ST6GAL1: variants seen among roughly 807,000 people sequenced by gnomAD.
The protein encoded by ST6GAL1 is beta-galactoside alpha-2,6-sialyltransferase 1.
A neutral mutation model predicts 38.0 loss-of-function variants in ST6GAL1; 20 were observed. The observed-to-expected ratio is 0.53, with a 90% CI of 0.37 to 0.77. The LOEUF is 0.77. ST6GAL1 is among the 30% of genes least tolerant of loss of function. ST6GAL1 has a pLI of 0.00. For synonymous variants in ST6GAL1, 196 were observed against 188.2 expected (o/e 1.04, Z -0.34); for missense variants, 432 against 496.4 (o/e 0.87, Z 1.23).
intron 2 of ST6GAL1, among the ~76,000 whole-genome samples, chr3:187,036,155 T>C (rs1030635938): frequency 2.0e-4 from 30 of 152,132 alleles, no homozygotes; most frequent in African/African-American, 6.3e-4. Flanking sequence ...TGAAAAATGC[T>C]CAGTATCACT....
chr3:186,959,823 C>T (rs1714875012), intron 1 of ST6GAL1, among the ~76,000 whole-genome samples: 1 of 152,196 alleles, frequency 6.6e-6, no homozygotes, highest in Non-Finnish European at 1.5e-5. Context: ...ATTTCACTTC[C>T]ATATTCAAAC....
intron 2 of ST6GAL1, among the ~76,000 whole-genome samples, chr3:187,023,619 G>T (rs1717407554): frequency 6.6e-6 from 1 of 152,102 alleles, no homozygotes; most frequent in Non-Finnish European, 1.5e-5. Context: ...ATCATTCTCA[G>T]CAAACTATGG....
intron 5 of ST6GAL1, among the ~76,000 whole-genome samples, chr3:187,065,392 T>G (rs1270953827): frequency 6.6e-6 from 1 of 152,180 alleles, no homozygotes; most frequent in African/African-American, 2.4e-5. Context: ...AAAAGGCACT[T>G]TTCTTATTGA....
intron 5 of ST6GAL1, among the ~76,000 whole-genome samples, chr3:187,059,069 G>A (rs933904858): frequency 6.6e-6 from 1 of 152,060 alleles, no homozygotes; most frequent in Non-Finnish European, 1.5e-5. Flanking sequence ...AGCAATAGCC[G>A]GGCACTCCAG....
At chr3:186,977,004 G>A (rs1332866723) in intron 2 of ST6GAL1, among the ~76,000 whole-genome samples, 1 of 152,204 alleles carries the variant, frequency 6.6e-6, no homozygotes, top group African/African-American at 2.4e-5. Context: ...GCTTGCCAGA[G>A]GAGATCGGCT....
chr3:186,967,339 C>A (rs568518820), intron 2 of ST6GAL1, among the ~76,000 whole-genome samples: 9 of 138,362 alleles, frequency 6.5e-5, no homozygotes, highest in East Asian at 5.8e-4. Flanking sequence ...TTACAGGCGC[C>A]TGCCACCACA....
At chr3:186,976,973 G>A (rs993829152) in intron 2 of ST6GAL1, among the ~76,000 whole-genome samples, 1 of 152,198 alleles carries the variant, frequency 6.6e-6, no homozygotes. Flanking sequence ...ATCCTGCCAA[G>A]ACCTTCTCCA....
chr3:186,949,879 T>TGTG (rs1460077520), intron 1 of ST6GAL1, among the ~76,000 whole-genome samples: 2 of 152,202 alleles, frequency 1.3e-5, no homozygotes, highest in African/African-American at 4.8e-5. Flanking sequence ...GTCCTAGAGG[T>TGTG]AGTGCCTAAC....
intron 2 of ST6GAL1, among the ~76,000 whole-genome samples, chr3:186,980,263 G>A (rs572739797): frequency 4.6e-5 from 7 of 152,242 alleles, no homozygotes; most frequent in African/African-American, 1.4e-4. Flanking sequence ...AGCAGTGGAT[G>A]CAGCGGGCAC....
intron 2 of ST6GAL1, among the ~76,000 whole-genome samples, chr3:187,023,892 A>T (rs113424377): frequency 2.6e-5 from 3 of 113,796 alleles, no homozygotes; most frequent in Admixed American, 1.7e-4. Context: ...AATAATAATT[A>T]AAAAAAAAAA....
intron 2 of ST6GAL1, among the ~76,000 whole-genome samples, chr3:187,028,419 G>A (rs1401172986): frequency 6.6e-6 from 1 of 152,098 alleles, no homozygotes; most frequent in Non-Finnish European, 1.5e-5. Flanking sequence ...AATCAGTCTT[G>A]TTACATAGCT....
At chr3:186,955,729 TTGACCTTG>T (rs1260583635) in intron 1 of ST6GAL1, among the ~76,000 whole-genome samples, 2 of 152,078 alleles carry the variant, frequency 1.3e-5, no homozygotes, top group African/African-American at 2.4e-5. Context: ...TCTTGATCTC[TTGACCTTG>T]TGATCCACCC....
chr3:186,969,373 G>A (rs1715265615), intron 2 of ST6GAL1, among the ~76,000 whole-genome samples: 1 of 152,118 alleles, frequency 6.6e-6, no homozygotes, highest in Admixed American at 6.5e-5. Flanking sequence ...ATTTTAATAG[G>A]TGTATGGTGA....
At chr3:187,033,555 A>G (rs1349202951) in intron 2 of ST6GAL1, among the ~76,000 whole-genome samples, 2 of 152,214 alleles carry the variant, frequency 1.3e-5, no homozygotes, top group Non-Finnish European at 1.5e-5. Flanking sequence ...CCATCTGAGT[A>G]TACAGGTAAC....
intron 1 of ST6GAL1, among the ~76,000 whole-genome samples, chr3:186,940,447 T>C (rs1304621061): frequency 6.6e-6 from 1 of 152,258 alleles, no homozygotes; most frequent in Non-Finnish European, 1.5e-5. Context: ...TGTGGCTATA[T>C]GCAAATACAT....
intron 2 of ST6GAL1, among the ~76,000 whole-genome samples, chr3:186,997,032 G>A (rs1200008503): frequency 2.0e-5 from 3 of 151,998 alleles, no homozygotes; most frequent in African/African-American, 7.2e-5. Flanking sequence ...TGGCTGTGTT[G>A]GAGGCGGGCA....
intron 2 of ST6GAL1, among the ~76,000 whole-genome samples, chr3:187,027,205 A>G (rs944621435): frequency 6.6e-6 from 1 of 152,212 alleles, no homozygotes; most frequent in Non-Finnish European, 1.5e-5. Context: ...TACTCTTTAA[A>G]ATTACTGTAA....
intron 2 of ST6GAL1, among the ~76,000 whole-genome samples, chr3:187,021,387 C>A (rs568362496): frequency 6.6e-6 from 1 of 152,190 alleles, no homozygotes; most frequent in Admixed American, 6.5e-5. Flanking sequence ...CTCCTGCCGT[C>A]CTTTCACCTG....
At chr3:186,963,620 G>A (rs1191538310) in intron 1 of ST6GAL1, among the ~76,000 whole-genome samples, 165 bp from the exon 2 acceptor site, 1 of 152,214 alleles carries the variant, frequency 6.6e-6, no homozygotes, top group African/African-American at 2.4e-5. Flanking sequence ...TACAACCCCA[G>A]AGGGATGAGT....
Sources: allele counts gnomAD v4.1 joint callset (sites outside exome capture counted in the v4.1 genomes callset), GRCh38; gene constraint gnomAD v4.1.1; transcripts MANE v1.5; gene names NCBI Gene and HGNC (gene_info 2026-07-23, HGNC 2026-07-21).